Variants in AFAP1L1 observed in about 807,000 individuals in gnomAD.
The protein encoded by AFAP1L1 is actin filament associated protein 1 like 1, also known as actin filament-associated protein 1-like 1.
AFAP1L1 carries 77 observed loss-of-function variants against 99.8 expected under a neutral mutation model. The observed-to-expected ratio is 0.77, with a 90% CI of 0.64 to 0.93. AFAP1L1 has a LOEUF of 0.93. AFAP1L1 is among the 40% of genes least tolerant of loss of function. The pLI, the probability that AFAP1L1 is intolerant of heterozygous loss-of-function variation, is 0.00. For missense variants in AFAP1L1, 893 were observed against 996.8 expected (o/e 0.90, Z 1.40); for synonymous variants, 373 against 395.3 (o/e 0.94, Z 0.67).
At chr5:149,281,934 T>G (rs10477412) in intron 1 of AFAP1L1, among the ~76,000 whole-genome samples, 11,260 of 152,206 alleles carry the variant, frequency 0.074, 869 homozygotes, top group African/African-American at 0.2. Flanking sequence ...TGCATGAGGT[T>G]TTATTTCTTA....
chr5:149,306,027 T>C (rs1203881780), intron 5 of AFAP1L1, among the ~76,000 whole-genome samples: 1 of 152,032 alleles, frequency 6.6e-6, no homozygotes, highest in African/African-American at 2.4e-5. Flanking sequence ...GGATGAGAAG[T>C]CCTCTGGTAG....
chr5:149,324,283 G>T (rs1757034957), intron 15 of AFAP1L1, among the ~76,000 whole-genome samples: 1 of 150,588 alleles, frequency 6.6e-6, no homozygotes, highest in Non-Finnish European at 1.5e-5. Flanking sequence ...GATCAAGGTG[G>T]CAGCCAATTT....
At chr5:149,305,413 A>G (rs1756375960) in intron 5 of AFAP1L1, among the ~76,000 whole-genome samples, 1 of 152,202 alleles carries the variant, frequency 6.6e-6, no homozygotes, top group Non-Finnish European at 1.5e-5. Flanking sequence ...AATTTTTCCC[A>G]ACTCATTGGA....
intron 7 of AFAP1L1, among the ~76,000 whole-genome samples, chr5:149,308,097 C>T (rs533362202): frequency 2.0e-5 from 3 of 151,900 alleles, no homozygotes; most frequent in East Asian, 3.9e-4. Context: ...TGCAGTGAAC[C>T]GAGATCATAC....
intron 1 of AFAP1L1, among the ~76,000 whole-genome samples, chr5:149,286,889 G>T (rs1205482172): frequency 6.6e-6 from 1 of 152,164 alleles, no homozygotes; most frequent in Non-Finnish European, 1.5e-5. Flanking sequence ...TGAGATTCTG[G>T]CTCCAATGCC....
chr5:149,273,131 G>T (rs1484138083), intron 1 of AFAP1L1, among the ~76,000 whole-genome samples: 1 of 150,912 alleles, frequency 6.6e-6, no homozygotes, highest in African/African-American at 2.4e-5. Flanking sequence ...GAACCCCAGG[G>T]TTTCAGTCTG....
At chr5:149,275,588 C>T (rs1202449890) in intron 1 of AFAP1L1, among the ~76,000 whole-genome samples, 4 of 152,070 alleles carry the variant, frequency 2.6e-5, no homozygotes, top group Non-Finnish European at 5.9e-5. Flanking sequence ...TCACTGCAAG[C>T]TCCGCCTCCT....
intron 1 of AFAP1L1, among the ~76,000 whole-genome samples, chr5:149,295,699 T>C (rs1755994435): frequency 6.6e-6 from 1 of 152,186 alleles, no homozygotes; most frequent in Non-Finnish European, 1.5e-5. Flanking sequence ...TTTGCAATCC[T>C]TAGTCGTTCA....
At chr5:149,283,055 T>A (rs1755569422) in intron 1 of AFAP1L1, among the ~76,000 whole-genome samples, 1 of 151,222 alleles carries the variant, frequency 6.6e-6, no homozygotes, top group Non-Finnish European at 1.5e-5. Context: ...GCAGATCCCA[T>A]AGGCTTCATC....
intron 8 of AFAP1L1, 93 bp downstream of exon 8, chr5:149,310,228 G>A: frequency 7.0e-7 from 1 of 1,436,686 alleles, no homozygotes; most frequent in Non-Finnish European, 9.2e-7. Flanking sequence ...CCCTGGAAGA[G>A]CCTCTTGCTC....
chr5:149,281,434 T>C (rs551084100), intron 1 of AFAP1L1, among the ~76,000 whole-genome samples: 1 of 152,238 alleles, frequency 6.6e-6, no homozygotes, highest in East Asian at 1.9e-4. Flanking sequence ...CTCCTGACTT[T>C]GGGTTACCAC....
chr5:149,312,204 G>A lies in AFAP1L1; in HGVS notation c.1020G>A (p.Lys340=), dbSNP rs1242380731. ...TCCTGTGCAAGTTGGACCTGGACAAGGTATATCTGTCTCCACTAAGTCTTC... is the reference window on the plus strand; with the variant it reads ...TCCTGTGCAAGTTGGACCTGGACAAAGTATATCTGTCTCCACTAAGTCTTC... ...PVLLCKLDLD[K]RLSQEKQTSD... Residue 340 remains lysine, a splice_region_variant and synonymous_variant, in exon 9 of 19, where the codon AAG becomes AAA. Coordinates refer to ENST00000296721, the MANE Select transcript of AFAP1L1 (RefSeq NM_152406.4). 1 of 1,614,062 alleles carries A rather than the reference G, an allele frequency of 6.2e-7. No individual in the cohort carries two copies. Among genetic ancestry groups the A allele is most frequent in the South Asian group, 1.1e-5 (1 of 91,074 alleles).
At chr5:149,303,016 C>G (rs1276322854) in intron 5 of AFAP1L1, among the ~76,000 whole-genome samples, 1 of 152,084 alleles carries the variant, frequency 6.6e-6, no homozygotes, top group Admixed American at 6.5e-5. Flanking sequence ...GTGGTCTAAA[C>G]CAGAGGCTGT....
chr5:149,295,111 C>A (rs1054435630), intron 1 of AFAP1L1, among the ~76,000 whole-genome samples: 2 of 152,222 alleles, frequency 1.3e-5, no homozygotes, highest in African/African-American at 4.8e-5. Context: ...CTCCCTCTGC[C>A]CCTGCTGCCT....
chr5:149,310,837 A>G (rs1213942946), intron 8 of AFAP1L1, among the ~76,000 whole-genome samples: 1 of 152,182 alleles, frequency 6.6e-6, no homozygotes, highest in Non-Finnish European at 1.5e-5. Flanking sequence ...GACATGGGAG[A>G]GGGGACTTTG....
intron 1 of AFAP1L1, among the ~76,000 whole-genome samples, chr5:149,288,185 C>T (rs943158613): frequency 6.6e-6 from 1 of 152,194 alleles, no homozygotes; most frequent in African/African-American, 2.4e-5. Flanking sequence ...TTCCAGCAAG[C>T]TTTGCAGGTA....
intron 8 of AFAP1L1, among the ~76,000 whole-genome samples, chr5:149,310,953 A>C (rs1416343353): frequency 6.6e-6 from 1 of 152,126 alleles, no homozygotes; most frequent in Non-Finnish European, 1.5e-5. Context: ...TTCATCTGTG[A>C]AATGGTCCTT....
intron 5 of AFAP1L1, among the ~76,000 whole-genome samples, chr5:149,303,685 AAC>A (rs145563644): frequency 1.3e-5 from 2 of 151,818 alleles, no homozygotes; most frequent in Admixed American, 1.3e-4. Flanking sequence ...GGTGTACACA[AAC>A]ACACACACAC....
chr5:149,340,044 AT>A lies in AFAP1L1; in HGVS notation c.*17del. 6.2e-7 allele frequency: 1 copy of A among 1,613,908 alleles called. No individual in the cohort carries two copies. Among genetic ancestry groups the A allele is most frequent in the South Asian group, 1.1e-5 (1 of 91,042 alleles). ...AAGAAGACCTAGGAAGAGGATGAGG[AT>A]TTCATTCCAAAGGAAATACCAGCTT... On this transcript the variant is annotated 3_prime_UTR_variant, in exon 19 of 19. Transcript: ENST00000296721.
Sources: allele counts gnomAD v4.1 joint callset (sites outside exome capture counted in the v4.1 genomes callset), GRCh38; gene constraint gnomAD v4.1.1; transcripts MANE v1.5; gene names NCBI Gene and HGNC (gene_info 2026-07-23, HGNC 2026-07-21).